SAMD4A: variants seen among roughly 807,000 people sequenced by gnomAD.
SAMD4A encodes protein Smaug homolog 1.
A neutral mutation model predicts 81.3 loss-of-function variants in SAMD4A; 33 were observed. That is an observed-to-expected ratio of 0.41 (90% CI 0.31 to 0.54). The LOEUF is 0.54. Among genes scored for constraint, SAMD4A ranks in the 20% least tolerant of loss-of-function variants. SAMD4A has a pLI of 0.37. For missense variants in SAMD4A, 854 were observed against 951.1 expected, an observed-to-expected ratio of 0.90 and a Z score of 1.34; for synonymous variants, 389 against 382.1, an observed-to-expected ratio of 1.02 and a Z score of -0.21.
chr14:54,783,822 C>T (rs1048363284), intron 11 of SAMD4A, among the ~76,000 whole-genome samples: 1 of 152,220 alleles, frequency 6.6e-6, no homozygotes, highest in African/African-American at 2.4e-5. Context: ...GTGCTGGGCC[C>T]TGGCTTTCCT....
intron 3 of SAMD4A, among the ~76,000 whole-genome samples, chr14:54,712,656 A>G (rs1397218946): frequency 2.0e-5 from 3 of 152,106 alleles, no homozygotes; most frequent in Non-Finnish European, 4.4e-5. Flanking sequence ...GGGAGGAATG[A>G]TCAGAAAAAT....
intron 2 of SAMD4A, among the ~76,000 whole-genome samples, chr14:54,666,031 A>G (rs2035750060): frequency 6.6e-6 from 1 of 152,190 alleles, no homozygotes; most frequent in South Asian, 2.1e-4. Flanking sequence ...AAACCTAGTA[A>G]AAGAGAGACT....
intron 3 of SAMD4A, among the ~76,000 whole-genome samples, chr14:54,710,646 C>T (rs144287245): frequency 1.1e-3 from 173 of 152,258 alleles, no homozygotes; most frequent in Middle Eastern, 3.4e-3. Flanking sequence ...CTCCAGCTTC[C>T]GTGGTCTCCA....
intron 2 of SAMD4A, among the ~76,000 whole-genome samples, chr14:54,678,178 T>TG (rs962942382): frequency 6.6e-6 from 1 of 152,182 alleles, no homozygotes; most frequent in South Asian, 2.1e-4. Flanking sequence ...GAAGTATGAT[T>TG]GGGGGACAAA....
At chr14:54,674,574 C>T (rs8006248) in intron 2 of SAMD4A, among the ~76,000 whole-genome samples, 94,951 of 151,974 alleles carry the variant, frequency 0.62, 31,471 homozygotes, top group Non-Finnish European at 0.75. Flanking sequence ...ACCATGCAGG[C>T]GTTTAGTCTC....
chr14:54,742,609 CTTG>C (rs551907053), intron 4 of SAMD4A, among the ~76,000 whole-genome samples: 303 of 152,340 alleles, frequency 2.0e-3, no homozygotes, highest in African/African-American at 6.8e-3. Context: ...CTATGACTTT[CTTG>C]TTGTACTTGC....
intron 3 of SAMD4A, among the ~76,000 whole-genome samples, chr14:54,713,404 G>A (rs886612321): frequency 2.6e-5 from 4 of 152,160 alleles, no homozygotes; most frequent in African/African-American, 9.7e-5. Context: ...GTATCAGTCA[G>A]TTAAGAGCAG....
chr14:54,778,096 G>C (rs2038906174), intron 11 of SAMD4A, among the ~76,000 whole-genome samples: 1 of 152,146 alleles, frequency 6.6e-6, no homozygotes, highest in South Asian at 2.1e-4. Context: ...TTTCACCCTG[G>C]CCTCAGTCTC....
chr14:54,702,679 C>T, intron 3 of SAMD4A, 99 bp downstream of exon 3: 5 of 1,392,288 alleles, frequency 3.6e-6, no homozygotes, highest in Non-Finnish European at 4.9e-6. Flanking sequence ...ACCCTGTGAC[C>T]CTGGGAGAGA....
In SAMD4A at chr14:54,789,215, G is replaced by T. The variant is rs991693916; in HGVS notation, c.*271G>T. The T allele has an allele frequency of 3.8e-6, 2 of 523,744 alleles. No homozygotes were observed. The highest frequency in any genetic ancestry group is 3.4e-5 in the East Asian group (1 of 29,740). The allele number at this position is 523,744 out of a possible 1,614,324, so 32.4% of individuals were successfully genotyped here. On this transcript the variant is annotated 3_prime_UTR_variant, in exon 13 of 13. Transcript: ENST00000554335. ...TCTCTAGGGAATTATGAGACTGGGA[G>T]GGGGGTGGAGGGAATGCAGGTAGCT...
intron 2 of SAMD4A, among the ~76,000 whole-genome samples, chr14:54,663,819 C>A (rs1050077586): frequency 4.5e-4 from 68 of 152,308 alleles, no homozygotes; most frequent in Admixed American, 1.3e-4. Context: ...TGAATGAGCG[C>A]ACCAACCTCT....
intron 2 of SAMD4A, among the ~76,000 whole-genome samples, chr14:54,575,801 T>C (rs1027912050): frequency 1.3e-5 from 2 of 152,188 alleles, no homozygotes; most frequent in African/African-American, 4.8e-5. Context: ...ATTAAATTAT[T>C]TGAGCATTTT....
intron 2 of SAMD4A, among the ~76,000 whole-genome samples, chr14:54,578,284 A>G (rs1228101259): frequency 6.6e-6 from 1 of 152,184 alleles, no homozygotes; most frequent in Non-Finnish European, 1.5e-5. Flanking sequence ...GTCCCTTCTG[A>G]CCTTAAGATT....
chr14:54,694,534 G>A, intron 2 of SAMD4A: 1 of 673,418 alleles, frequency 1.5e-6, no homozygotes, highest in Non-Finnish European at 1.8e-6. Flanking sequence ...ATCTGAGTGA[G>A]CATGGAGAGG....
At chr14:54,629,002 A>C (rs2034831100) in intron 2 of SAMD4A, among the ~76,000 whole-genome samples, 1 of 152,178 alleles carries the variant, frequency 6.6e-6, no homozygotes, top group Non-Finnish European at 1.5e-5. Context: ...GTAGTTATGA[A>C]TGTGACCTTC....
chr14:54,711,016 C>T (rs1265164784), intron 3 of SAMD4A, among the ~76,000 whole-genome samples: 1 of 152,166 alleles, frequency 6.6e-6, no homozygotes, highest in Non-Finnish European at 1.5e-5. Context: ...ATATGCCCCT[C>T]TAGGCAACCA....
At position 54,764,516 on chromosome 14, in the gene SAMD4A, C is replaced by T; in HGVS notation, c.1572C>T (p.Leu524=). The change falls in exon 8 of 13, where the codon CTC becomes CTT. Residue 524 remains leucine, a synonymous_variant. Transcript: ENST00000554335. ...DEENISSYLQ[L]IDKCLIHEAF... is the part of the protein sequence containing the mutation. ...AAAATATAAGTTCCTATTTACAGCT[C>T]ATAGACAAGTGTCTAATTCATGAGG... The T allele has an allele frequency of 6.2e-7, 1 of 1,612,062 alleles. No homozygotes were observed. The highest frequency in any genetic ancestry group is 8.5e-7 in the Non-Finnish European group (1 of 1,178,558).
At position 54,791,349 on chromosome 14, in the gene SAMD4A, C is replaced by G. The variant is rs1393264872; in HGVS notation, c.*2405C>G. ...GCAAAAACACATATATCCATAAAGA[C>G]TCATGTTATTCAGAAAACAGATTGT... On this transcript the variant is annotated 3_prime_UTR_variant, in exon 13 of 13. Transcript: ENST00000554335. 6.6e-6 allele frequency: 1 copy of G among 152,200 alleles called. No individual in the cohort carries two copies. Among genetic ancestry groups the G allele is most frequent in the Non-Finnish European group, 1.5e-5 (1 of 68,030 alleles). The allele number at this position is 152,200 out of a possible 1,614,324, so 9.4% of individuals were successfully genotyped here.
chr14:54,578,810 A>C (rs1363076232), intron 2 of SAMD4A, among the ~76,000 whole-genome samples: 1 of 152,230 alleles, frequency 6.6e-6, no homozygotes, highest in Non-Finnish European at 1.5e-5. Context: ...GCTTTTTATG[A>C]AATACACCTG....
Sources: gnomAD v4.1 joint callset for allele counts (sites outside exome capture counted in the v4.1 genomes callset) on GRCh38, gnomAD v4.1.1 for gene constraint, MANE v1.5 for transcripts, NCBI Gene and HGNC (gene_info 2026-07-23, HGNC 2026-07-21) for gene names.